SYN3: variants seen among roughly 807,000 people sequenced by gnomAD.
SYN3 encodes synapsin-3.
SYN3 carries 35 observed loss-of-function variants against 65.8 expected under a neutral mutation model. The observed-to-expected ratio is 0.53, with a 90% CI of 0.41 to 0.70. The LOEUF is 0.70. SYN3 is among the 30% of genes least tolerant of loss of function. The probability of loss-of-function intolerance (pLI) is 0.00; values close to 1 mark genes in which losing one functional copy is unlikely to be tolerated. For missense variants in SYN3, 680 were observed against 749.0 expected (o/e 0.91, Z 1.08); for synonymous variants, 270 against 292.9 (o/e 0.92, Z 0.80).
intron 6 of SYN3, among the ~76,000 whole-genome samples, chr22:32,715,692 T>C (rs1013302179): frequency 6.7e-6 from 1 of 149,982 alleles, no homozygotes; most frequent in African/African-American, 2.5e-5. Context: ...AGGCAGAGAA[T>C]TGCTTGAACT....
At chr22:32,911,745 C>T (rs1289149776) in intron 4 of SYN3, among the ~76,000 whole-genome samples, 1 of 152,148 alleles carries the variant, frequency 6.6e-6, no homozygotes, top group Non-Finnish European at 1.5e-5. Context: ...TGCAGAGCTG[C>T]TGCTGCACCG....
chr22:32,596,952 G>C (rs969623581), intron 6 of SYN3, among the ~76,000 whole-genome samples: 1 of 152,200 alleles, frequency 6.6e-6, no homozygotes, highest in African/African-American at 2.4e-5. Context: ...AGACCAGCTT[G>C]TCTGGGGCAC....
intron 3 of SYN3, among the ~76,000 whole-genome samples, chr22:32,972,146 C>G (rs1411813675): frequency 6.6e-6 from 1 of 152,158 alleles, no homozygotes; most frequent in Admixed American, 6.5e-5. Flanking sequence ...CAGCATCCAC[C>G]ACCTGCAATG....
At chr22:32,938,971 A>T (rs1441243164) in intron 3 of SYN3, among the ~76,000 whole-genome samples, 1 of 151,060 alleles carries the variant, frequency 6.6e-6, no homozygotes, top group Non-Finnish European at 1.5e-5. Context: ...AGACTTTTCC[A>T]GACAAAGAAA....
At chr22:32,873,494 G>A (rs1490285613) in intron 4 of SYN3, among the ~76,000 whole-genome samples, 2 of 152,262 alleles carry the variant, frequency 1.3e-5, no homozygotes, top group African/African-American at 2.4e-5. Flanking sequence ...CCTCGTTGTT[G>A]GGGGTGTAGT....
At chr22:32,840,408 TG>T (rs1202537294) in intron 6 of SYN3, among the ~76,000 whole-genome samples, 1 of 152,068 alleles carries the variant, frequency 6.6e-6, no homozygotes. Context: ...AGAAGGGCCC[TG>T]GGGGACCAGG....
At chr22:32,589,086 C>T (rs2059092657) in intron 7 of SYN3, among the ~76,000 whole-genome samples, 3 of 152,358 alleles carry the variant, frequency 2.0e-5, no homozygotes, top group Middle Eastern at 3.4e-3. Context: ...TCTCAACACA[C>T]TGCCTGTGGG....
rs375116739 is a variant in SYN3, at chr22:32,763,943, C to A, written c.711+100972G>T. ...AAATTTGGTGTAGAAGCCCCCCCCC[C>A]CTTTTTTTTTTTGAGACTGAGTCTC... On this transcript the variant is annotated intron_variant, in intron 6 of 13. Coordinates refer to ENST00000358763, the MANE Select transcript of SYN3 (RefSeq NM_003490.4). Among the ~76,000 whole-genome samples, 7 of 112,700 alleles carry A rather than the reference C, an allele frequency of 6.2e-5. No homozygotes were observed. The East Asian group carries it at 1.3e-3, about 22-fold the overall frequency. The allele number at this position is 112,700 out of a possible 152,430, so 73.9% of individuals were successfully genotyped here. A position where few individuals can be genotyped will look rare whatever the true frequency, so the allele number is the denominator to read the frequency against.
chr22:32,609,476 GTTTT>G (rs11303501), intron 6 of SYN3, among the ~76,000 whole-genome samples: 1 of 138,910 alleles, frequency 7.2e-6, no homozygotes, highest in Non-Finnish European at 1.6e-5. Flanking sequence ...CCTGCCTGGT[GTTTT>G]TTTTTTTTTT....
intron 4 of SYN3, among the ~76,000 whole-genome samples, chr22:32,918,664 G>T (rs2050252752): frequency 6.6e-6 from 1 of 152,356 alleles, no homozygotes; most frequent in Non-Finnish European, 1.5e-5. Context: ...CCCTGAGGAG[G>T]CGACATGAGA....
rs111308299 is a variant in SYN3, at chr22:32,510,984, CGTGTGTGTGT to C, written c.*2698_*2707del. On this transcript the variant is annotated 3_prime_UTR_variant, in exon 14 of 14. Transcript: ENST00000358763. The stretch of plus-strand genomic sequence containing the variant: ...TGTCAATTCCAAGTTATTGTCCAGG[CGTGTGTGTGT>C]GTGTGTGTGTGTGTGTGTGTGTAAG... Among the ~76,000 whole-genome samples the C allele has an allele frequency of 4.2e-5, 6 of 142,928 alleles. No individual in the cohort carries two copies. The East Asian group carries it at 8.2e-4, about 19-fold the overall frequency. 93.8% of individuals were successfully genotyped at this position (142,928 alleles called of 152,430 possible). A position where few individuals can be genotyped will look rare whatever the true frequency, so the allele number is the denominator to read the frequency against.
At chr22:32,616,695 GGCA>G (rs1487486320) in intron 6 of SYN3, among the ~76,000 whole-genome samples, 1 of 152,126 alleles carries the variant, frequency 6.6e-6, no homozygotes, top group Non-Finnish European at 1.5e-5. Context: ...GGCTGGTGGG[GGCA>G]GCAGATCTGT....
At chr22:32,796,419 C>A (rs2046429652) in intron 6 of SYN3, among the ~76,000 whole-genome samples, 1 of 152,134 alleles carries the variant, frequency 6.6e-6, no homozygotes, top group Non-Finnish European at 1.5e-5. Flanking sequence ...GCGAATGTAG[C>A]CAGAGGGGTC....
At chr22:32,992,254 T>G (rs1352829145) in intron 2 of SYN3, among the ~76,000 whole-genome samples, 1 of 152,216 alleles carries the variant, frequency 6.6e-6, no homozygotes, top group East Asian at 1.9e-4. Flanking sequence ...GCCTGACCCT[T>G]TCATGGTCTA....
intron 6 of SYN3, among the ~76,000 whole-genome samples, chr22:32,841,151 T>C (rs914896196): frequency 5.3e-5 from 8 of 152,246 alleles, no homozygotes; most frequent in African/African-American, 1.4e-4. Context: ...AGCAAATACA[T>C]ATGAGGTGCC....
chr22:33,023,040 A>T (rs1257020307), intron 1 of SYN3, among the ~76,000 whole-genome samples: 1 of 152,156 alleles, frequency 6.6e-6, no homozygotes, highest in African/African-American at 2.4e-5. Context: ...CAGGACCCTC[A>T]TCTGAAGGTC....
At chr22:32,972,004 C>T (rs1036432366) in intron 3 of SYN3, among the ~76,000 whole-genome samples, 12 of 152,096 alleles carry the variant, frequency 7.9e-5, no homozygotes, top group Admixed American at 1.3e-4. Flanking sequence ...CCTCTGACGG[C>T]CAGTCATTGG....
chr22:32,847,687 A>ATGTGTG lies in SYN3; in HGVS notation c.711+17222_711+17227dup, dbSNP rs561103406. On this transcript the variant is annotated intron_variant, in intron 6 of 13. Coordinates refer to ENST00000358763, the MANE Select transcript of SYN3 (RefSeq NM_003490.4). ...GAGGAAGGATAATGGAGCTACCAAAATGTGTGTGTGTGTGTTTGTGTTTGT... is the reference window on the plus strand; with the variant it reads ...GAGGAAGGATAATGGAGCTACCAAAATGTGTGTGTGTGTGTGTGTGTTTGTGTTTGT... Among the ~76,000 whole-genome samples the ATGTGTG allele has an allele frequency of 4.1e-4, 62 of 152,110 alleles. No individual in the cohort carries two copies. In the East Asian group the frequency reaches 9.3e-3, roughly 23 times the overall value.
At chr22:32,717,106 C>A (rs969922614) in intron 6 of SYN3, among the ~76,000 whole-genome samples, 3 of 152,166 alleles carry the variant, frequency 2.0e-5, no homozygotes, top group Non-Finnish European at 4.4e-5. Context: ...CCTGTTATAA[C>A]CCTGCAAGGT....
Sources: gnomAD v4.1 joint callset for allele counts (sites outside exome capture counted in the v4.1 genomes callset) on GRCh38, gnomAD v4.1.1 for gene constraint, MANE v1.5 for transcripts, NCBI Gene and HGNC (gene_info 2026-07-23, HGNC 2026-07-21) for gene names.